CSNK2A1: variants seen among roughly 807,000 people sequenced by gnomAD.
CSNK2A1 encodes the protein casein kinase II subunit alpha.
In CSNK2A1, 10 loss-of-function variants were observed where a neutral mutation model predicts 62.9. The ratio of observed to expected loss-of-function variants is 0.16; its 90% CI spans 0.10 to 0.27. CSNK2A1 has a LOEUF of 0.27. CSNK2A1 is among the 10% of genes least tolerant of loss of function. CSNK2A1 has a pLI of 1.00. For synonymous variants in CSNK2A1, 124 were observed against 167.8 expected, an observed-to-expected ratio of 0.74 and a Z score of 2.02; for missense variants, 160 against 492.0, an observed-to-expected ratio of 0.33 and a Z score of 6.38.
intron 10 of CSNK2A1, chr20:489,173 A>G (rs2018163023): frequency 5.1e-6 from 1 of 194,548 alleles, no homozygotes; most frequent in South Asian, 1.1e-4. Flanking sequence ...TCAGCTATGA[A>G]CTATCTGAGG....
rs151244591 is a variant in CSNK2A1 at position 493,601 on chromosome 20, A to C, written c.511-1237T>G. On this transcript the variant is annotated intron_variant, in intron 8 of 13. Transcript: ENST00000217244. ...ATAACTACAGTACAATATCAAAATC[A>C]AGAAACTGACACTGGCACAATTCAG... Among the ~76,000 whole-genome samples, 372 of 152,330 alleles carry C rather than the reference A, an allele frequency of 2.4e-3. 3 individuals carry two copies. The highest frequency in any genetic ancestry group is 8.7e-3 in the African/African-American group (361 of 41,580).
At chr20:525,940 G>A (rs1189608604) in intron 2 of CSNK2A1, among the ~76,000 whole-genome samples, 2 of 151,668 alleles carry the variant, frequency 1.3e-5, no homozygotes, top group Non-Finnish European at 2.9e-5. Context: ...AGGAGGTGGA[G>A]GCTGCAGTGA....
intron 2 of CSNK2A1, among the ~76,000 whole-genome samples, chr20:524,582 T>G (rs1260752721): frequency 1.1e-4 from 16 of 144,576 alleles, no homozygotes; most frequent in Admixed American, 2.8e-4. Flanking sequence ...ACACAAAAAT[T>G]AGCTGGGTGT....
At chr20:536,639 CAATT>C (rs1347392414) in intron 1 of CSNK2A1, among the ~76,000 whole-genome samples, 2 of 152,204 alleles carry the variant, frequency 1.3e-5, no homozygotes, top group African/African-American at 4.8e-5. Flanking sequence ...CCCGCAATCT[CAATT>C]AATTCTCTAT....
At chr20:518,933 CTTTTTTT>C (rs796982756) in intron 2 of CSNK2A1, among the ~76,000 whole-genome samples, 13 of 123,706 alleles carry the variant, frequency 1.1e-4, no homozygotes, top group African/African-American at 3.3e-4. Context: ...GTTGGATATA[CTTTTTTT>C]TTTTTTTTTT....
chr20:508,494 G>T lies in CSNK2A1; in HGVS notation c.58C>A (p.Pro20Thr). The part of the protein sequence containing the change: ...RVYTDVNTHR[P>T]REYWDYESHV... The stretch of plus-strand genomic sequence containing the variant: ...GACTCGTAATCCCAGTATTCTCGAG[G>T]TCTGTGTGTATTAACATCTGTGTAA... Residue 20 changes from proline to threonine, a missense_variant, in exon 3 of 14, where the codon CCT (proline) becomes ACT (threonine). Around this residue, in one of 3 missense-constraint regions of CSNK2A1, gnomAD observed 15 missense variants for 25.6 expected, o/e 0.59. Transcript: ENST00000217244. The T allele has an allele frequency of 6.2e-7, 1 of 1,614,152 alleles. No homozygotes were observed. Among genetic ancestry groups the T allele is most frequent in the Non-Finnish European group, 8.5e-7 (1 of 1,180,016 alleles).
intron 4 of CSNK2A1, chr20:503,612 C>A: frequency 2.5e-6 from 1 of 398,498 alleles, no homozygotes; most frequent in Non-Finnish European, 4.4e-6. Flanking sequence ...TTACACTCCT[C>A]GTGATGGATT....
intron 2 of CSNK2A1, among the ~76,000 whole-genome samples, chr20:518,571 G>T (rs1452258288): frequency 6.6e-6 from 1 of 151,932 alleles, no homozygotes; most frequent in Admixed American, 6.6e-5. Flanking sequence ...TTTTGAGACA[G>T]AGTCTCGCTC....
rs2018374267 is a variant in CSNK2A1 at position 497,759 on chromosome 20, C to G, written c.388G>C (p.Asp130His). ...TACATGTAAAATCGAATATCATAGT[C>G]TGTTAACGTCTGGTACAATTGCTGT... ...DFKQLYQTLT[D>H]YDIRFYMYEI... Residue 130 changes from aspartate to histidine, a missense_variant, in exon 7 of 14, where the codon GAC becomes CAC. Physicochemically the swap from Asp to His is moderately conservative, Grantham distance 81. Transcript: ENST00000217244. 6.2e-7 allele frequency: 1 copy of G among 1,612,522 alleles called. No homozygotes were observed. Among genetic ancestry groups the G allele is most frequent in the Non-Finnish European group, 8.5e-7 (1 of 1,179,076 alleles).
chr20:503,099 A>T (rs2018504182), intron 4 of CSNK2A1: 2 of 169,644 alleles, frequency 1.2e-5, no homozygotes, highest in Admixed American at 1.3e-4. Context: ...AATCACAAAG[A>T]ACTCCAGTCT....
Position 483,559 on chromosome 20 carries a change from C to T in CSNK2A1, c.*402G>A, listed in dbSNP as rs1037556654. On this transcript the variant is annotated 3_prime_UTR_variant, in exon 14 of 14. Coordinates refer to ENST00000217244, the MANE Select transcript of CSNK2A1 (RefSeq NM_177559.3). ...TGGAGAAGAGCACGAGATACCAACC[C>T]CCTAAAGTGTGGGACGGTGGAGGAA... 6.5e-6 allele frequency: 1 copy of T among 153,306 alleles called. No individual in the cohort carries two copies. Among genetic ancestry groups the T allele is most frequent in the African/African-American group, 2.4e-5 (1 of 41,404 alleles). The allele number at this position is 153,306 out of a possible 1,614,324, so 9.5% of individuals were successfully genotyped here. A position where few individuals can be genotyped will look rare whatever the true frequency, so the allele number is the denominator to read the frequency against.
intron 1 of CSNK2A1, among the ~76,000 whole-genome samples, chr20:531,387 C>T (rs556624423): frequency 2.0e-5 from 3 of 152,140 alleles, no homozygotes; most frequent in East Asian, 3.9e-4. Flanking sequence ...CTTATTGACT[C>T]GACTCCTGAA....
rs1235576458 is a variant in CSNK2A1 at position 487,308 on chromosome 20, T to C, written c.973+119A>G. Reference sequence around the variant, plus strand: ...GCCATCACTATCCCCACTGGAAGAATCTGAGGCTCAGTGTGGGTGAATTAA... The same window carrying C: ...GCCATCACTATCCCCACTGGAAGAACCTGAGGCTCAGTGTGGGTGAATTAA... On this transcript the variant is annotated intron_variant, in intron 12 of 13. Coordinates refer to ENST00000217244, the MANE Select transcript of CSNK2A1 (RefSeq NM_177559.3). 4.2e-6 allele frequency: 6 copies of C among 1,427,152 alleles called. No homozygotes were observed. In the African/African-American group the frequency reaches 7.1e-5, roughly 17 times the overall value. 88.4% of individuals were successfully genotyped at this position (1,427,152 alleles called of 1,614,324 possible).
In CSNK2A1 at chr20:531,455, G is replaced by C. The variant is rs1306046564; in HGVS notation, c.-226-3406C>G. ...AAATATATAAATTTACAAATAATAA[G>C]ATGGGGGAACTCTTATTTAGACTAC... On this transcript the variant is annotated intron_variant, in intron 1 of 13. Transcript: ENST00000217244. Among the ~76,000 whole-genome samples, 3 of 152,254 alleles carry C rather than the reference G, an allele frequency of 2.0e-5. No individual in the cohort carries two copies. The East Asian group carries it at 5.8e-4, about 29-fold the overall frequency.
Position 505,198 on chromosome 20 carries a change from A to G in CSNK2A1, c.133T>C (p.Leu45=). 8 of 1,613,740 alleles carry G rather than the reference A, an allele frequency of 5.0e-6. No individual in the cohort carries two copies. The highest frequency in any genetic ancestry group is 6.8e-6 in the Non-Finnish European group (8 of 1,179,924). The stretch of plus-strand genomic sequence containing the variant: ...ACTTCACTGTATTTACCTCGGCCTA[A>G]TTTTCGAACCAGCTGGTAGTCATCT... ...NQDDYQLVRK[L]GRGKYSEVFE... The change falls in exon 4 of 14, where the codon TTA becomes CTA. Residue 45 remains leucine (L), a synonymous_variant. Transcript: ENST00000217244.
intron 2 of CSNK2A1, among the ~76,000 whole-genome samples, chr20:516,258 C>T (rs1228641840): frequency 6.6e-6 from 1 of 152,190 alleles, no homozygotes; most frequent in Non-Finnish European, 1.5e-5. Context: ...ACTTTAGTGG[C>T]TAACCATTTC....
chr20:502,776 C>T (rs1029990538), intron 4 of CSNK2A1: 7 of 152,202 alleles, frequency 4.6e-5, no homozygotes, highest in African/African-American at 1.4e-4. Flanking sequence ...CCTTCGCCAA[C>T]TTAATCTCTC....
intron 13 of CSNK2A1, among the ~76,000 whole-genome samples, chr20:486,102 G>A (rs140452830): frequency 6.6e-6 from 1 of 152,166 alleles, no homozygotes; most frequent in East Asian, 1.9e-4. Context: ...AAGATGAAAT[G>A]GTGTATTTTT....
rs773320713 is a variant in CSNK2A1 at position 488,782 on chromosome 20, G to A, written c.724-4C>T. 2.5e-6 allele frequency: 4 copies of A among 1,605,424 alleles called. No individual in the cohort carries two copies. In the East Asian group the frequency reaches 8.9e-5, roughly 36 times the overall value. On this transcript the variant is annotated splice_region_variant and splice_polypyrimidine_tract_variant and intron_variant, in intron 10 of 13. Transcript: ENST00000217244. ...GAACCTTGGCTATCCTCACCAACTA[G>A]TATTAAAGAAAGACAAAAACCCATA...
Sources: allele counts gnomAD v4.1 joint callset (sites outside exome capture counted in the v4.1 genomes callset), GRCh38; gene constraint gnomAD v4.1.1; regional missense constraint gnomAD v4.1.1; transcripts MANE v1.5; gene names NCBI Gene and HGNC (gene_info 2026-07-23, HGNC 2026-07-21).